LYN: variants seen among roughly 807,000 people sequenced by gnomAD.
LYN encodes the protein tyrosine-protein kinase Lyn.
In LYN, 12 loss-of-function variants were observed where a neutral mutation model predicts 65.0. The observed-to-expected ratio is 0.18, with a 90% CI of 0.12 to 0.30. The LOEUF (loss-of-function observed/expected upper bound fraction) is 0.30. Ranked by LOEUF, LYN falls within the 10% of genes least tolerant of loss-of-function variation. The pLI is 1.00. For missense variants in LYN, 380 were observed against 623.2 expected (o/e 0.61, Z 4.16); for synonymous variants, 222 against 221.2 (o/e 1.00, Z -0.03).
chr8:55,956,117 A>G (rs1350199107), intron 8 of LYN, among the ~76,000 whole-genome samples: 1 of 147,634 alleles, frequency 6.8e-6, no homozygotes, highest in Non-Finnish European at 1.5e-5. Flanking sequence ...TCATTAAAAA[A>G]AGAATGACTT....
chr8:55,954,973 G>A (rs1270631784), intron 8 of LYN: 3 of 152,192 alleles, frequency 2.0e-5, no homozygotes, highest in South Asian at 2.1e-4. Context: ...TGGAATGTGC[G>A]GTTATTTCTG....
chr8:55,893,607 A>G (rs1805012587), intron 1 of LYN: 1 of 152,226 alleles, frequency 6.6e-6, no homozygotes, highest in African/African-American at 2.4e-5. Flanking sequence ...CCATGAAGTC[A>G]TGCTTCACTT....
At chr8:55,939,535 G>T (rs79520241) in intron 1 of LYN, among the ~76,000 whole-genome samples, 15 of 151,982 alleles carry the variant, frequency 9.9e-5, no homozygotes, top group African/African-American at 2.9e-4. Flanking sequence ...AACGCAGTGG[G>T]GGGGGGACAG....
At chr8:55,889,057 G>A (rs568897415) in intron 1 of LYN, among the ~76,000 whole-genome samples, 13 of 152,014 alleles carry the variant, frequency 8.6e-5, no homozygotes, top group South Asian at 8.3e-4. Flanking sequence ...TCACTCTGTC[G>A]CCCAGGCTGA....
Position 55,953,859 on chromosome 8 carries a change from T to C in LYN, c.665T>C (p.Leu222Ser). The part of the protein sequence containing the change: ...QKQADGLCRR[L>S]EKACISPKPQ... ...CAGGCAGATGGCTTGTGCAGAAGATTGGAGAAGGCTTGTATTAGTCCCAAG... is the reference window on the plus strand; with the variant it reads ...CAGGCAGATGGCTTGTGCAGAAGATCGGAGAAGGCTTGTATTAGTCCCAAG... Residue 222 changes from leucine (L) to serine (S), a missense_variant, in exon 8 of 13, where the codon TTG (leucine) becomes TCG (serine). Leu to Ser is a moderately radical substitution (Grantham distance 145, BLOSUM62 -2). This residue lies in a region of LYN where 223 missense variants were observed against 430.0 expected (regional missense o/e 0.52). Coordinates refer to ENST00000519728, the MANE Select transcript of LYN (RefSeq NM_002350.4). 6.2e-7 allele frequency: 1 copy of C among 1,614,054 alleles called. No homozygotes were observed. Among genetic ancestry groups the C allele is most frequent in the African/African-American group, 1.3e-5 (1 of 75,018 alleles).
At chr8:55,898,489 A>G (rs1805179626) in intron 1 of LYN, among the ~76,000 whole-genome samples, 1 of 152,128 alleles carries the variant, frequency 6.6e-6, no homozygotes, top group African/African-American at 2.4e-5. Context: ...AAGTCTCACC[A>G]TGTTGCCCAG....
Position 55,969,813 on chromosome 8 carries a change from C to G in LYN, c.1050+20C>G. On this transcript the variant is annotated intron_variant, in intron 10 of 12. Transcript: ENST00000519728. ...GCTCAGGTAACATATTCAAAAAGCC[C>G]CGTGTGCACGTGCATTTGCAAAGAC... 6.2e-7 allele frequency: 1 copy of G among 1,610,278 alleles called. No individual in the cohort carries two copies. Among genetic ancestry groups the G allele is most frequent in the Non-Finnish European group, 8.5e-7 (1 of 1,176,506 alleles).
Position 55,952,665 on chromosome 8 carries a change from A to G in LYN, c.637+550A>G, listed in dbSNP as rs1806985030. Among the ~76,000 whole-genome samples the G allele has an allele frequency of 2.0e-5, 3 of 152,238 alleles. No homozygotes were observed. The South Asian group carries it at 6.2e-4, about 32-fold the overall frequency. On this transcript the variant is annotated intron_variant, in intron 7 of 12. Coordinates refer to ENST00000519728, the MANE Select transcript of LYN (RefSeq NM_002350.4). Reference sequence around the variant, plus strand: ...TCTCCCAGTCCTTCCCACCTAGTACATGCTGTTTGACATTCAGTGTTCCAC... The same window carrying G: ...TCTCCCAGTCCTTCCCACCTAGTACGTGCTGTTTGACATTCAGTGTTCCAC...
intron 9 of LYN, among the ~76,000 whole-genome samples, chr8:55,967,306 ATTTTTTTTTTT>A (rs35631616): frequency 1.1e-5 from 1 of 95,130 alleles, no homozygotes. Flanking sequence ...TTCCTCTTTC[ATTTTTTTTTTT>A]TTTTTTTTTT....
chr8:56,010,038 G>A lies in LYN; in HGVS notation c.1467G>A (p.Thr489=), dbSNP rs764635734. The A allele has an allele frequency of 6.2e-7, 1 of 1,614,168 alleles. No individual in the cohort carries two copies. The highest frequency in any genetic ancestry group is 2.2e-5 in the East Asian group (1 of 44,886). ...CWKEKAEERP[T]FDYLQSVLDD... ...AAGAAAAGGCAGAAGAGAGACCAAC[G>A]TTTGACTACTTACAGAGCGTCCTGG... Residue 489 remains threonine, a synonymous_variant, in exon 13 of 13, where the codon ACG becomes ACA. Coordinates refer to ENST00000519728, the MANE Select transcript of LYN (RefSeq NM_002350.4).
chr8:55,950,024 A>G (rs1411974950), intron 4 of LYN, among the ~76,000 whole-genome samples: 1 of 152,180 alleles, frequency 6.6e-6, no homozygotes, highest in East Asian at 1.9e-4. Flanking sequence ...ATCATACAAT[A>G]TGTGGTCCTT....
intron 1 of LYN, among the ~76,000 whole-genome samples, chr8:55,938,973 A>C (rs1806519815): frequency 6.6e-6 from 1 of 152,204 alleles, no homozygotes; most frequent in African/African-American, 2.4e-5. Flanking sequence ...ATTAAATGAG[A>C]TGCTCAATAT....
chr8:55,937,192 C>T (rs1261642776), intron 1 of LYN, among the ~76,000 whole-genome samples: 1 of 152,176 alleles, frequency 6.6e-6, no homozygotes, highest in Admixed American at 6.5e-5. Context: ...TCTTTTACCT[C>T]ACAAGTGGAC....
intron 1 of LYN, among the ~76,000 whole-genome samples, chr8:55,887,501 A>AAT (rs1169063566): frequency 2.0e-5 from 3 of 150,052 alleles, no homozygotes; most frequent in African/African-American, 7.3e-5. Context: ...TATATACATA[A>AAT]ATATATATAT....
At chr8:55,967,783 T>C (rs1191949333) in intron 9 of LYN, among the ~76,000 whole-genome samples, 1 of 152,236 alleles carries the variant, frequency 6.6e-6, no homozygotes, top group African/African-American at 2.4e-5. Context: ...TCTTCTACTG[T>C]GATCACCTTC....
At chr8:55,905,434 A>G (rs1163094990) in intron 1 of LYN, among the ~76,000 whole-genome samples, 2 of 151,902 alleles carry the variant, frequency 1.3e-5, no homozygotes, top group African/African-American at 4.8e-5. Flanking sequence ...AAAGAAAGAA[A>G]GAAAGAAAGA....
intron 8 of LYN, among the ~76,000 whole-genome samples, chr8:55,962,366 C>T (rs1262642414): frequency 6.8e-6 from 1 of 146,500 alleles, no homozygotes; most frequent in Non-Finnish European, 1.5e-5. Flanking sequence ...TGTGCTTTTG[C>T]GTGTGGCTAC....
At chr8:55,940,745 A>G (rs1460525197) in intron 1 of LYN, among the ~76,000 whole-genome samples, 1 of 152,168 alleles carries the variant, frequency 6.6e-6, no homozygotes, top group African/African-American at 2.4e-5. Context: ...AATGTTCAAA[A>G]TCACCTTTGC....
chr8:55,958,372 T>C (rs1286233276), intron 8 of LYN, among the ~76,000 whole-genome samples: 1 of 152,250 alleles, frequency 6.6e-6, no homozygotes, highest in Non-Finnish European at 1.5e-5. Flanking sequence ...GATTGTTTTA[T>C]ACAAATTTTT....
Sources: allele counts gnomAD v4.1 joint callset (sites outside exome capture counted in the v4.1 genomes callset), GRCh38; gene constraint gnomAD v4.1.1; regional missense constraint gnomAD v4.1.1; transcripts MANE v1.5; gene names NCBI Gene and HGNC (gene_info 2026-07-23, HGNC 2026-07-21).